ADCY8: variants seen among roughly 807,000 people sequenced by gnomAD.
ADCY8 encodes the protein adenylate cyclase type 8.
ADCY8 carries 51 observed loss-of-function variants against 119.7 expected under a neutral mutation model. The ratio of observed to expected loss-of-function variants is 0.43; its 90% confidence interval spans 0.34 to 0.54. The LOEUF (loss-of-function observed/expected upper bound fraction) is 0.54. Among genes scored for constraint, ADCY8 ranks in the 20% least tolerant of loss-of-function variants. The pLI is 0.03. For missense variants in ADCY8, 1,383 were observed against 1,598.8 expected (o/e 0.87, Z 2.30); for synonymous variants, 665 against 651.0 (o/e 1.02, Z -0.33).
At chr8:130,808,833 G>C (rs1026100364) in intron 14 of ADCY8, among the ~76,000 whole-genome samples, 2 of 152,168 alleles carry the variant, frequency 1.3e-5, no homozygotes. Flanking sequence ...ACAGAGATGG[G>C]ATTTATGCTG....
At chr8:130,817,310 G>A (rs766449320) in intron 13 of ADCY8, among the ~76,000 whole-genome samples, 5 of 152,172 alleles carry the variant, frequency 3.3e-5, no homozygotes, top group Non-Finnish European at 7.3e-5. Flanking sequence ...AACTCATGAT[G>A]TATAGATTTT....
chr8:130,800,569 G>C lies in ADCY8; in HGVS notation c.2917C>G (p.Leu973Val), dbSNP rs1392413278. Residue 973 changes from leucine to valine, a missense_variant, in exon 15 of 18, where the codon CTG (leucine) becomes GTG (valine). Coordinates refer to ENST00000286355, the MANE Select transcript of ADCY8 (RefSeq NM_001115.3). The stretch of plus-strand genomic sequence containing the variant: ...ACAGCATCATAGGATTGAGAATACA[G>C]CTCCTGGACAGAGACACACAGAGGG... Reference protein sequence around the residue: ...FLEKDRDNEELYSQSYDAVGV... With the variant: ...FLEKDRDNEEVYSQSYDAVGV... 1 of 1,613,930 alleles carries C rather than the reference G, an allele frequency of 6.2e-7. No individual in the cohort carries two copies.
chr8:130,800,644 A>C, intron 14 of ADCY8, 72 bp from the exon 15 acceptor site: 1 of 1,540,820 alleles, frequency 6.5e-7, no homozygotes, highest in Non-Finnish European at 8.9e-7. Flanking sequence ...CTTCCTGTGC[A>C]CACATGTGGG....
intron 5 of ADCY8, among the ~76,000 whole-genome samples, chr8:130,935,102 G>A (rs1820745145): frequency 6.6e-6 from 1 of 152,194 alleles, no homozygotes; most frequent in African/African-American, 2.4e-5. Flanking sequence ...GAGGTAGGCT[G>A]CTGTCACTAT....
chr8:130,922,401 G>C (rs1461475667), intron 5 of ADCY8, among the ~76,000 whole-genome samples: 2 of 151,608 alleles, frequency 1.3e-5, no homozygotes, highest in Admixed American at 6.6e-5. Context: ...ATTAGGGAGT[G>C]GTGATGACTC....
intron 11 of ADCY8, 117 bp from the exon 12 acceptor site, chr8:130,836,566 A>G (rs969229697): frequency 5.4e-6 from 6 of 1,110,822 alleles, no homozygotes; most frequent in Non-Finnish European, 7.6e-6. Context: ...GGAGGTCTCA[A>G]GGCCTCCTGA....
intron 5 of ADCY8, among the ~76,000 whole-genome samples, chr8:130,934,705 A>G (rs905550379): frequency 6.6e-6 from 1 of 152,192 alleles, no homozygotes; most frequent in African/African-American, 2.4e-5. Flanking sequence ...ACAAAAGGGA[A>G]CTCTGTGTTG....
intron 11 of ADCY8, among the ~76,000 whole-genome samples, chr8:130,841,587 G>A (rs1817144139): frequency 6.6e-6 from 1 of 152,128 alleles, no homozygotes; most frequent in Non-Finnish European, 1.5e-5. Flanking sequence ...GAATTGCCTT[G>A]GCAATATATG....
intron 2 of ADCY8, among the ~76,000 whole-genome samples, chr8:130,983,936 A>G (rs78882419): frequency 0.012 from 1,836 of 152,334 alleles, 46 homozygotes; most frequent in African/African-American, 0.042. Flanking sequence ...GGAAGCAGAC[A>G]TGAGCTTCCT....
At chr8:130,990,068 A>G (rs1417205242) in intron 2 of ADCY8, among the ~76,000 whole-genome samples, 1 of 152,230 alleles carries the variant, frequency 6.6e-6, no homozygotes, top group Non-Finnish European at 1.5e-5. Context: ...TAAAAGAAAG[A>G]GGGTCAAAGA....
chr8:130,859,541 A>G (rs542974221), intron 9 of ADCY8, among the ~76,000 whole-genome samples: 2 of 152,258 alleles, frequency 1.3e-5, no homozygotes, highest in African/African-American at 4.8e-5. Flanking sequence ...TTAGTACACC[A>G]TTTTACTCCC....
chr8:130,884,534 A>G lies in ADCY8; in HGVS notation c.2109+30T>C, dbSNP rs778741378. The stretch of plus-strand genomic sequence containing the variant: ...GAACATCTACCACAATTTACTCAGA[A>G]AAAGAGCCGCTGTGGAGACCCAGCT... On this transcript the variant is annotated intron_variant, in intron 8 of 17. Transcript: ENST00000286355. The G allele has an allele frequency of 1.6e-5, 25 of 1,611,224 alleles. No homozygotes were observed. In the South Asian group the frequency reaches 1.9e-4, roughly 12 times the overall value.
chr8:130,865,855 AC>A (rs1446699516), intron 9 of ADCY8, among the ~76,000 whole-genome samples: 1 of 152,120 alleles, frequency 6.6e-6, no homozygotes, highest in Admixed American at 6.5e-5. Context: ...GATCAGTTTC[AC>A]GAGTTCATAG....
At position 130,918,712 on chromosome 8, in the gene ADCY8, T is replaced by C. The variant is rs115742069; in HGVS notation, c.1482-8846A>G. Among the ~76,000 whole-genome samples the C allele has an allele frequency of 3.7e-3, 567 of 152,288 alleles. 6 individuals are homozygous for C. Among genetic ancestry groups the C allele is most frequent in the African/African-American group, 0.012 (512 of 41,556 alleles). On this transcript the variant is annotated intron_variant, in intron 5 of 17. Coordinates refer to ENST00000286355, the MANE Select transcript of ADCY8 (RefSeq NM_001115.3). ...AGCAAAGAGTTTGTAAATCACTGTT[T>C]TAAAAACCAGAATCAAACCCTTCCA...
At chr8:130,870,160 C>T (rs1019511314) in intron 8 of ADCY8, among the ~76,000 whole-genome samples, 5 of 151,630 alleles carry the variant, frequency 3.3e-5, no homozygotes, top group Non-Finnish European at 7.4e-5. Flanking sequence ...ATTACAGGTG[C>T]CCACCACCAT....
chr8:130,821,417 ATC>A lies in ADCY8; in HGVS notation c.2677_2678del (p.Asp893PhefsTer46). On this transcript the variant is annotated frameshift_variant and splice_region_variant, in exon 13 of 18. Transcript: ENST00000286355. LOFTEE classifies it high-confidence loss of function. ...GTGATACCTCCTTGGTCCCCAGGAA[ATC>A]TCTGTTGGAAGAAAAAAGGAACTGA... ...RYDNLNHSGE[D>X]FLGTKEVSLL... 3.1e-6 allele frequency: 5 copies of A among 1,612,752 alleles called. No homozygotes were observed. Among genetic ancestry groups the A allele is most frequent in the Non-Finnish European group, 4.2e-6 (5 of 1,179,070 alleles).
At chr8:130,875,887 C>T (rs7461547) in intron 8 of ADCY8, among the ~76,000 whole-genome samples, 17,324 of 151,766 alleles carry the variant, frequency 0.11, 1,153 homozygotes, top group African/African-American at 0.18. Flanking sequence ...GGCTGCTAAC[C>T]GAAAAAAGAA....
intron 9 of ADCY8, among the ~76,000 whole-genome samples, chr8:130,853,238 A>G (rs1443141730): frequency 6.6e-6 from 1 of 152,152 alleles, no homozygotes; most frequent in East Asian, 1.9e-4. Context: ...ACCCTATGGG[A>G]GGAGGGCTGG....
intron 2 of ADCY8, among the ~76,000 whole-genome samples, chr8:130,961,804 C>G (rs7009319): frequency 0.98 from 149,676 of 152,238 alleles, 73,591 homozygotes; most frequent in African/African-American, 1. Flanking sequence ...CAGAAGGCAG[C>G]GGCTGTATCC....
Sources: allele counts gnomAD v4.1 joint callset (sites outside exome capture counted in the v4.1 genomes callset), GRCh38; gene constraint gnomAD v4.1.1; transcripts MANE v1.5; gene names NCBI Gene and HGNC (gene_info 2026-07-23, HGNC 2026-07-21).